The following ZNF532 variants were observed in gnomAD, a reference collection of about 807,000 sequenced individuals.
ZNF532 encodes zinc finger protein 532.
In ZNF532, 22 loss-of-function variants were observed where a neutral mutation model predicts 89.3. The observed-to-expected ratio is 0.25, with a 90% CI of 0.18 to 0.35. The LOEUF (loss-of-function observed/expected upper bound fraction) is 0.35. ZNF532 is among the 10% of genes least tolerant of loss of function. The pLI is 1.00. For missense variants in ZNF532, 1,132 were observed against 1,643.4 expected (o/e 0.69, Z 5.38); for synonymous variants, 606 against 649.6 (o/e 0.93, Z 1.02).
In ZNF532 at chr18:58,984,064, C is replaced by A. The variant is rs760652330; in HGVS notation, c.3504C>A (p.Ile1168=). 2.5e-6 allele frequency: 4 copies of A among 1,611,852 alleles called. No individual in the cohort carries two copies. In the South Asian group the frequency reaches 3.3e-5, roughly 13 times the overall value. ...AITQPLKKLK[I]NVFKVHKCAV... ...CTCAACCACTGAAAAAGCTGAAAAT[C>A]AATGTTTTTAAGGTTCACAAGTGTG... Residue 1168 remains isoleucine (I), a synonymous_variant, in exon 10 of 10, where the codon ATC becomes ATA. Transcript: ENST00000591808.
intron 7 of ZNF532, among the ~76,000 whole-genome samples, chr18:58,973,984 G>C (rs1346797604): frequency 6.6e-6 from 1 of 152,192 alleles, no homozygotes; most frequent in Non-Finnish European, 1.5e-5. Flanking sequence ...GCGGGGTCGA[G>C]GGGGTGGGGT....
intron 2 of ZNF532, among the ~76,000 whole-genome samples, chr18:58,906,650 C>T (rs1404503113): frequency 6.6e-6 from 1 of 152,196 alleles, no homozygotes; most frequent in East Asian, 1.9e-4. Flanking sequence ...TTCACCTTCT[C>T]CCATGACCTC....
chr18:58,888,837 TA>T (rs1347791579), intron 2 of ZNF532, among the ~76,000 whole-genome samples: 3 of 49,450 alleles, frequency 6.1e-5, no homozygotes, highest in East Asian at 1.6e-3. Context: ...ATTATATATA[TA>T]ATTTATATAT....
intron 2 of ZNF532, among the ~76,000 whole-genome samples, chr18:58,894,223 G>A (rs2059103847): frequency 6.6e-6 from 1 of 152,136 alleles, no homozygotes; most frequent in Non-Finnish European, 1.5e-5. Context: ...CTAGCACTTT[G>A]GGAGGCCAAG....
intron 4 of ZNF532, among the ~76,000 whole-genome samples, chr18:58,938,646 T>C (rs1480043604): frequency 5.3e-5 from 8 of 152,244 alleles, no homozygotes; most frequent in Non-Finnish European, 7.3e-5. Flanking sequence ...CCCACATACA[T>C]TGACCACATC....
intron 2 of ZNF532, among the ~76,000 whole-genome samples, chr18:58,887,904 G>A (rs2058417995): frequency 1.3e-5 from 2 of 152,200 alleles, no homozygotes; most frequent in South Asian, 4.1e-4. Flanking sequence ...GAGGGGAGCA[G>A]AAATAATATG....
At chr18:58,983,606 C>A (rs553668304) in intron 9 of ZNF532, among the ~76,000 whole-genome samples, 8 of 152,224 alleles carry the variant, frequency 5.3e-5, no homozygotes, top group East Asian at 1.9e-4. Flanking sequence ...TATACCCCCC[C>A]CTTGCTTCCC....
In ZNF532 at chr18:58,919,507, T is replaced by A. The variant is rs760094624; in HGVS notation, c.1220T>A (p.Leu407Gln). 8.7e-6 allele frequency: 14 copies of A among 1,614,202 alleles called. No individual in the cohort carries two copies. The South Asian group carries it at 1.5e-4, about 18-fold the overall frequency. Residue 407 changes from leucine (L) to glutamine (Q), a missense_variant, in exon 3 of 10, where the codon CTG (leucine) becomes CAG (glutamine). Around this residue, in one of 9 missense-constraint regions of ZNF532, gnomAD observed 124 missense variants for 191.6 expected, o/e 0.65. Coordinates refer to ENST00000591808, the MANE Select transcript of ZNF532 (RefSeq NM_001375912.1). The surrounding 1 kb of genome is among the most constrained non-coding windows in gnomAD (Gnocchi z 6.1). The stretch of plus-strand genomic sequence containing the variant: ...GTGATGGCCTCTGTGACATCCCTTC[T>A]GTCGTCTCCAGCATCAGCCGCCGTC... The part of the protein sequence containing the change: ...ASVMASVTSL[L>Q]SSPASAAVLS...
intron 6 of ZNF532, among the ~76,000 whole-genome samples, chr18:58,949,984 A>G (rs901417283): frequency 9.9e-5 from 15 of 152,226 alleles, no homozygotes; most frequent in African/African-American, 3.4e-4. Context: ...TAACTATTTT[A>G]GCTAAAATTA....
intron 2 of ZNF532, among the ~76,000 whole-genome samples, chr18:58,908,999 G>A (rs944628247): frequency 2.6e-5 from 4 of 152,178 alleles, no homozygotes; most frequent in Admixed American, 2.0e-4. Context: ...TGTCCCCCAG[G>A]CTGGAGTGCA....
At chr18:58,975,215 G>A (rs933415207) in intron 7 of ZNF532, among the ~76,000 whole-genome samples, 3 of 152,152 alleles carry the variant, frequency 2.0e-5, no homozygotes, top group Non-Finnish European at 4.4e-5. Flanking sequence ...TGTCAGCAAC[G>A]GTTGAGGATA....
intron 2 of ZNF532, among the ~76,000 whole-genome samples, chr18:58,880,046 A>G (rs796961200): frequency 1.3e-5 from 2 of 152,296 alleles, no homozygotes; most frequent in African/African-American, 4.8e-5. Flanking sequence ...AGGTTCTGAA[A>G]AAGATGTTTT....
intron 2 of ZNF532, among the ~76,000 whole-genome samples, chr18:58,893,848 T>C (rs1385251258): frequency 6.6e-6 from 1 of 152,130 alleles, no homozygotes; most frequent in Non-Finnish European, 1.5e-5. Context: ...AGAGCAGTGG[T>C]TACATGGGGG....
At chr18:58,981,438 A>G in intron 8 of ZNF532, 32 bp from the exon 9 acceptor site, 1 of 1,598,348 alleles carries the variant, frequency 6.3e-7, no homozygotes, top group Non-Finnish European at 8.5e-7. Context: ...TTTGTCAGCA[A>G]GTGCGTTATC....
chr18:58,890,581 C>G (rs553423615), intron 2 of ZNF532, among the ~76,000 whole-genome samples: 76 of 149,800 alleles, frequency 5.1e-4, no homozygotes, highest in Non-Finnish European at 1.0e-3. Flanking sequence ...TGTCCTTGCA[C>G]TAACTGCCGC....
chr18:58,956,417 G>A (rs1603291044), intron 7 of ZNF532, among the ~76,000 whole-genome samples: 2 of 152,172 alleles, frequency 1.3e-5, no homozygotes, highest in South Asian at 2.1e-4. Flanking sequence ...GAGAGGGGAG[G>A]AGCATCTTCA....
intron 3 of ZNF532, among the ~76,000 whole-genome samples, chr18:58,921,723 A>G (rs986816884): frequency 6.6e-6 from 1 of 152,250 alleles, no homozygotes; most frequent in African/African-American, 2.4e-5. Context: ...TTTATCATAA[A>G]TATATAATCT....
At chr18:58,904,742 C>T (rs1255686395) in intron 2 of ZNF532, among the ~76,000 whole-genome samples, 1 of 152,084 alleles carries the variant, frequency 6.6e-6, no homozygotes, top group Non-Finnish European at 1.5e-5. Context: ...CATCTCCGGC[C>T]ACAGACTGGG....
At chr18:58,881,492 G>A (rs1432261179) in intron 2 of ZNF532, among the ~76,000 whole-genome samples, 2 of 152,172 alleles carry the variant, frequency 1.3e-5, no homozygotes, top group Non-Finnish European at 2.9e-5. Flanking sequence ...CGCAAGTTGA[G>A]GATGCTGTTT....
Sources: gnomAD v4.1 joint callset for allele counts (sites outside exome capture counted in the v4.1 genomes callset) on GRCh38, gnomAD v4.1.1 for gene constraint, gnomAD v4.1.1 regional missense constraint, Gnocchi (gnomAD v3.1) non-coding constraint, MANE v1.5 for transcripts, NCBI Gene and HGNC (gene_info 2026-07-23, HGNC 2026-07-21) for gene names.